Variants in CDC42BPB observed in about 807,000 individuals in gnomAD.
The protein encoded by CDC42BPB is CDC42 binding protein kinase beta.
CDC42BPB carries 37 observed loss-of-function variants against 214.9 expected under a neutral mutation model. That is an observed-to-expected ratio of 0.17 (90% CI 0.13 to 0.23). The LOEUF is 0.23. Ranked by LOEUF, CDC42BPB falls within the 10% of genes least tolerant of loss-of-function variation. CDC42BPB has a pLI of 1.00. For missense variants in CDC42BPB, 1,694 were observed against 2,227.0 expected (o/e 0.76, Z 4.82); for synonymous variants, 931 against 884.0 (o/e 1.05, Z -0.94).
chr14:103,017,265 T>G (rs749135216), intron 1 of CDC42BPB, among the ~76,000 whole-genome samples: 6 of 152,110 alleles, frequency 3.9e-5, no homozygotes, highest in Non-Finnish European at 7.4e-5. Flanking sequence ...GAGGCTGCAG[T>G]GAGCTGTGTT....
At chr14:102,971,385 C>T in intron 13 of CDC42BPB, among the ~76,000 whole-genome samples, 1 of 152,212 alleles carries the variant, frequency 6.6e-6, no homozygotes, top group Non-Finnish European at 1.5e-5. Context: ...CATAAGAAAG[C>T]TCTTTGGGGT....
intron 4 of CDC42BPB, among the ~76,000 whole-genome samples, chr14:103,000,302 C>T (rs537498857): frequency 3.3e-5 from 5 of 152,400 alleles, no homozygotes; most frequent in East Asian, 3.9e-4. Flanking sequence ...GTCACTTCCC[C>T]GCGAGTTCCC....
chr14:102,966,418 G>C, intron 17 of CDC42BPB, 31 bp from the exon 18 acceptor site: 2 of 1,608,818 alleles, frequency 1.2e-6, no homozygotes, highest in East Asian at 2.2e-5. Flanking sequence ...TCTATCTCAC[G>C]AAGCATGGCT....
rs1892537755 is a variant in CDC42BPB, at chr14:102,952,544, G to A, written c.3126C>T (p.Cys1042=). 2 of 1,613,842 alleles carry A rather than the reference G, an allele frequency of 1.2e-6. No individual in the cohort carries two copies. The highest frequency in any genetic ancestry group is 2.2e-5 in the South Asian group (2 of 91,052). ...SFSSPTQCSH[C]TSLMVGLIRQ... is the part of the protein sequence containing the mutation. ...GGATCAGCCCAACCATCAGGGAGGT[G>A]CAGTGGCTGCACTGAGTAGGGCTGG... is the stretch of plus-strand genomic sequence containing the variant. The change falls in exon 24 of 37, where the codon TGC becomes TGT. Residue 1042 remains cysteine, a synonymous_variant. Coordinates refer to ENST00000361246, the MANE Select transcript of CDC42BPB (RefSeq NM_006035.4).
At position 103,057,412 on chromosome 14, in the gene CDC42BPB, C is replaced by T; in HGVS notation, c.-239G>A. The T allele has an allele frequency of 1.3e-6, 1 of 765,286 alleles. No homozygotes were observed. Among genetic ancestry groups the T allele is most frequent in the African/African-American group, 1.9e-5 (1 of 52,362 alleles). The allele number at this position is 765,286 out of a possible 1,614,324, so 47.4% of individuals were successfully genotyped here. On this transcript the variant is annotated 5_prime_UTR_variant, in exon 1 of 37. Transcript: ENST00000361246. ...TGGGCCGCTCTCCTCCCCTCGGCGC[C>T]GCCGCCCTCCCAGCTCGGGCGGCCC... is the stretch of plus-strand genomic sequence containing the variant.
At chr14:102,967,583 C>T (rs1893269671) in intron 16 of CDC42BPB, among the ~76,000 whole-genome samples, 1 of 152,226 alleles carries the variant, frequency 6.6e-6, no homozygotes, top group Non-Finnish European at 1.5e-5. Context: ...CACACCAGGC[C>T]CTGTGGTACA....
intron 5 of CDC42BPB, among the ~76,000 whole-genome samples, chr14:102,998,392 G>A (rs1407564765): frequency 6.6e-6 from 1 of 152,236 alleles, no homozygotes; most frequent in African/African-American, 2.4e-5. Context: ...TGTAATCAGC[G>A]GGGCCAGGGC....
intron 1 of CDC42BPB, among the ~76,000 whole-genome samples, chr14:103,029,858 CAAAAAAAAAAA>C (rs11299296): frequency 3.2e-5 from 2 of 62,360 alleles, no homozygotes; most frequent in Non-Finnish European, 5.8e-5. Flanking sequence ...ACTCCATCTC[CAAAAAAAAAAA>C]AAAAAAAAAA....
chr14:102,976,911 C>A (rs1226020631), intron 9 of CDC42BPB, among the ~76,000 whole-genome samples: 1 of 152,190 alleles, frequency 6.6e-6, no homozygotes, highest in Non-Finnish European at 1.5e-5. Flanking sequence ...AACCTCTGCA[C>A]TGGGGGCTGG....
chr14:103,045,033 C>A, intron 1 of CDC42BPB, among the ~76,000 whole-genome samples: 1 of 130,632 alleles, frequency 7.7e-6, no homozygotes, highest in South Asian at 2.4e-4. Flanking sequence ...GACTCTGTCT[C>A]TAAAATAAAT....
rs1887995695 is a variant in CDC42BPB, at chr14:103,041,557, A to C, written c.175+15442T>G. The C allele has an allele frequency of 3.8e-6, 5 of 1,307,308 alleles. No homozygotes were observed. In the South Asian group the frequency reaches 6.3e-5, roughly 16 times the overall value. 81.0% of individuals were successfully genotyped at this position (1,307,308 alleles called of 1,614,324 possible). A position where few individuals can be genotyped will look rare whatever the true frequency, so the allele number is the denominator to read the frequency against. The stretch of plus-strand genomic sequence containing the variant: ...CCACATGGTTCAACCAGCCGGCCCG[A>C]AGATCCGCAGATGCAAGGCCGGGCA... On this transcript the variant is annotated intron_variant, in intron 1 of 36. Transcript: ENST00000361246.
chr14:103,032,841 C>G (rs151258677), intron 1 of CDC42BPB, among the ~76,000 whole-genome samples: 1 of 150,280 alleles, frequency 6.7e-6, no homozygotes, highest in East Asian at 2.0e-4. Flanking sequence ...CCAGGCTGGT[C>G]TCGAACTCCT....
rs1893964487 is a variant in CDC42BPB, at chr14:102,980,840, A to G, written c.1073T>C (p.Ile358Thr). 6.2e-7 allele frequency: 1 copy of G among 1,614,232 alleles called. No individual in the cohort carries two copies. The highest frequency in any genetic ancestry group is 1.7e-5 in the Admixed American group (1 of 60,026). The stretch of plus-strand genomic sequence containing the variant: ...GTCAGAGGGACTGCTCACATCAGGA[A>G]TATAAGGTGCTTCTAGGTTTCGTAT... ...ENIRNLEAPYIPDVSSPSDTS... is the reference protein window; with the variant it reads ...ENIRNLEAPYTPDVSSPSDTS... Residue 358 changes from isoleucine (I) to threonine (T), a missense_variant, in exon 8 of 37, where the codon ATT becomes ACT. This residue lies in a region of CDC42BPB where 225 missense variants were observed against 459.3 expected (regional missense o/e 0.49). Transcript: ENST00000361246.
At chr14:102,980,074 G>A (rs562337606) in intron 8 of CDC42BPB, among the ~76,000 whole-genome samples, 10 of 152,260 alleles carry the variant, frequency 6.6e-5, no homozygotes, top group East Asian at 3.9e-4. Flanking sequence ...CTGAGAGGCC[G>A]CCACACTGCC....
At chr14:102,967,912 G>A (rs779304931) in intron 16 of CDC42BPB, among the ~76,000 whole-genome samples, 18 of 152,042 alleles carry the variant, frequency 1.2e-4, no homozygotes, top group Non-Finnish European at 2.5e-4. Context: ...TGGCTAACAC[G>A]GTGAAAACCC....
chr14:103,031,365 G>A (rs913879128), intron 1 of CDC42BPB, among the ~76,000 whole-genome samples: 1 of 152,142 alleles, frequency 6.6e-6, no homozygotes, highest in Non-Finnish European at 1.5e-5. Context: ...CTAGAGATGA[G>A]ACACTAAAAT....
chr14:102,962,849 C>CAAA (rs914493422), intron 20 of CDC42BPB, among the ~76,000 whole-genome samples: 1 of 148,696 alleles, frequency 6.7e-6, no homozygotes, highest in South Asian at 2.1e-4. Context: ...GAGACTGTCT[C>CAAA]AAAAAAAAAG....
Position 102,954,232 on chromosome 14 carries a change from G to A in CDC42BPB, c.3032C>T (p.Pro1011Leu), listed in dbSNP as rs1202514739. ...AGCCAGAGCCAGGGCCTGCGTGGTGGGCAACGGCACAGCGGATGGCCTCTG... is the reference window on the plus strand; with the variant it reads ...AGCCAGAGCCAGGGCCTGCGTGGTGAGCAACGGCACAGCGGATGGCCTCTG... ...PPQRPSAVPL[P>L]TTQALALAGP... The change falls in exon 23 of 37, where the codon CCC becomes CTC. Residue 1011 changes from proline (P) to leucine (L), a missense_variant. Around this residue, in one of 7 missense-constraint regions of CDC42BPB, gnomAD observed 156 missense variants for 154.5 expected, o/e 1.01. Coordinates refer to ENST00000361246, the MANE Select transcript of CDC42BPB (RefSeq NM_006035.4). The A allele has an allele frequency of 6.5e-7, 1 of 1,547,140 alleles. No homozygotes were observed. The highest frequency in any genetic ancestry group is 8.7e-7 in the Non-Finnish European group (1 of 1,146,202).
At chr14:102,939,998 C>A (rs748911420) in intron 32 of CDC42BPB, 48 bp downstream of exon 32, 1 of 1,613,796 alleles carries the variant, frequency 6.2e-7, no homozygotes, top group Non-Finnish European at 8.5e-7. Flanking sequence ...GGGACACACG[C>A]CCCTCCAACT....
Sources: gnomAD v4.1 joint callset for allele counts (sites outside exome capture counted in the v4.1 genomes callset) on GRCh38, gnomAD v4.1.1 for gene constraint, gnomAD v4.1.1 regional missense constraint, MANE v1.5 for transcripts, NCBI Gene and HGNC (gene_info 2026-07-23, HGNC 2026-07-21) for gene names.